Variants in NAT1 observed in about 807,000 individuals in gnomAD.
NAT1 encodes the protein N-acetyltransferase 1.
For missense variants in NAT1, 400 were observed against 339.2 expected (o/e 1.18, Z -1.41); for synonymous variants, 144 against 122.6 (o/e 1.17, Z -1.16).
At chr8:18,188,959 C>A (rs1802858236) in intron 2 of NAT1, among the ~76,000 whole-genome samples, 1 of 129,440 alleles carries the variant, frequency 7.7e-6, no homozygotes, top group Admixed American at 9.5e-5. Context: ...TGTCCCACTG[C>A]ACTCCAGCCT....
At chr8:18,208,709 C>T (rs908940776), upstream of NAT1, among the ~76,000 whole-genome samples, 1 of 152,188 alleles carries the variant, frequency 6.6e-6, no homozygotes, top group Non-Finnish European at 1.5e-5. Flanking sequence ...GCATTGGAGG[C>T]TAGTGCTGAC....
chr8:18,182,685 C>T (rs190128010), intron 2 of NAT1, among the ~76,000 whole-genome samples: 1 of 152,094 alleles, frequency 6.6e-6, no homozygotes, highest in African/African-American at 2.4e-5. Context: ...GTAATTCTCC[C>T]CACATTGTTC....
chr8:18,183,246 T>G (rs1802593353), intron 2 of NAT1, among the ~76,000 whole-genome samples: 2 of 152,200 alleles, frequency 1.3e-5, no homozygotes, highest in South Asian at 2.1e-4. Flanking sequence ...GCCATCATGA[T>G]GTAAACACCT....
intron 2 of NAT1, among the ~76,000 whole-genome samples, chr8:18,189,979 C>T (rs1340569453): frequency 2.6e-5 from 4 of 152,020 alleles, no homozygotes; most frequent in South Asian, 2.1e-4. Flanking sequence ...TAGTAGAGAT[C>T]GGTTTTCACC....
chr8:18,196,000 G>C (rs1178528755), intron 2 of NAT1, among the ~76,000 whole-genome samples: 2 of 152,072 alleles, frequency 1.3e-5, no homozygotes, highest in Non-Finnish European at 2.9e-5. Flanking sequence ...GGTACACAGA[G>C]GTGAAGTTTG....
At chr8:18,193,651 T>A (rs1431203597) in intron 2 of NAT1, among the ~76,000 whole-genome samples, 2 of 140,448 alleles carry the variant, frequency 1.4e-5, no homozygotes, top group African/African-American at 5.3e-5. Context: ...TTTTTTTTTT[T>A]TTTCGAGATG....
At chr8:18,172,622 G>A (rs945380974) in intron 2 of NAT1, among the ~76,000 whole-genome samples, 1 of 152,114 alleles carries the variant, frequency 6.6e-6, no homozygotes, top group African/African-American at 2.4e-5. Context: ...GCTCAGCTCA[G>A]TGGTAAACTA....
chr8:18,200,499 A>G (rs1481178782), intron 2 of NAT1, among the ~76,000 whole-genome samples: 2 of 152,164 alleles, frequency 1.3e-5, no homozygotes, highest in Non-Finnish European at 2.9e-5. Context: ...ACACATGGAC[A>G]CATAAAAGGG....
chr8:18,191,862 A>G (rs1045028173), intron 2 of NAT1, among the ~76,000 whole-genome samples: 7 of 152,082 alleles, frequency 4.6e-5, no homozygotes, highest in South Asian at 2.1e-4. Context: ...AGACTTAAAC[A>G]TTAGACCTAA....
intron 1 of NAT1, among the ~76,000 whole-genome samples, chr8:18,218,901 G>A (rs939935810): frequency 1.5e-4 from 23 of 152,208 alleles, no homozygotes; most frequent in African/African-American, 5.1e-4. Context: ...CTCTGATAGC[G>A]GATCTTCTGT....
intron 2 of NAT1, among the ~76,000 whole-genome samples, chr8:18,190,392 G>A (rs1802932725): frequency 6.6e-6 from 1 of 152,230 alleles, no homozygotes; most frequent in African/African-American, 2.4e-5. Flanking sequence ...ACAGCCTAGA[G>A]TATTTAAATT....
intron 2 of NAT1, among the ~76,000 whole-genome samples, chr8:18,195,760 G>C (rs1261125544): frequency 6.6e-6 from 1 of 152,124 alleles, no homozygotes; most frequent in Admixed American, 6.6e-5. Context: ...AAATGAGCTA[G>C]CATCAGCTGC....
intron 2 of NAT1, among the ~76,000 whole-genome samples, chr8:18,184,230 C>A (rs1002977176): frequency 6.6e-5 from 10 of 152,186 alleles, no homozygotes; most frequent in African/African-American, 2.2e-4. Flanking sequence ...AGAATTAGAA[C>A]CACATAGATG....
At chr8:18,217,292 A>G (rs185148894) in intron 1 of NAT1, among the ~76,000 whole-genome samples, 49 of 146,124 alleles carry the variant, frequency 3.4e-4, no homozygotes, top group Middle Eastern at 3.4e-3. Context: ...AATTTCTCTC[A>G]CATTATCAGG....
At chr8:18,184,570 T>C (rs188414221) in intron 2 of NAT1, among the ~76,000 whole-genome samples, 3 of 152,358 alleles carry the variant, frequency 2.0e-5, no homozygotes, top group African/African-American at 4.8e-5. Flanking sequence ...ATGAGGTCAA[T>C]ACATAATAAT....
At chr8:18,175,067 A>T (rs556813960) in intron 2 of NAT1, among the ~76,000 whole-genome samples, 1,477 of 142,924 alleles carry the variant, frequency 0.01, 19 homozygotes, top group African/African-American at 0.038. Flanking sequence ...AGAGAGTTTT[A>T]GTTTTCTAAA....
chr8:18,216,765 C>T (rs1443389229), intron 1 of NAT1: 2 of 592,730 alleles, frequency 3.4e-6, no homozygotes, highest in Non-Finnish European at 5.7e-6. Flanking sequence ...AGAGGCTAAG[C>T]AGTTGACAGA....
chr8:18,212,294 T>G (rs1324717965), intron 1 of NAT1: 1 of 152,224 alleles, frequency 6.6e-6, no homozygotes, highest in Non-Finnish European at 1.5e-5. Flanking sequence ...ACAATATTCA[T>G]GAACTCTGCA....
Position 18,219,505 on chromosome 8 carries a change from C to A in NAT1, c.-7+16C>A. On this transcript the variant is annotated intron_variant, in intron 2 of 2. Transcript: ENST00000307719. ...ACTAAGAAAGGTATTAAGCGCCTTT[C>A]TGAGAGCTCTCAGTGGGCTTCCTAA... is the stretch of plus-strand genomic sequence containing the variant. 6 of 1,484,230 alleles carry A rather than the reference C, an allele frequency of 4.0e-6. No individual in the cohort carries two copies. The highest frequency in any genetic ancestry group is 5.5e-6 in the Non-Finnish European group (6 of 1,090,672). 91.9% of individuals were successfully genotyped at this position (1,484,230 alleles called of 1,614,324 possible).
Sources: allele counts gnomAD v4.1 joint callset (sites outside exome capture counted in the v4.1 genomes callset), GRCh38; gene constraint gnomAD v4.1.1; transcripts MANE v1.5; gene names NCBI Gene and HGNC (gene_info 2026-07-23, HGNC 2026-07-21).